Variants in DNAJC1 observed in about 807,000 individuals in gnomAD.
DNAJC1 encodes the protein dnaJ homolog subfamily C member 1.
A neutral mutation model predicts 76.6 loss-of-function variants in DNAJC1; 58 were observed. The ratio of observed to expected loss-of-function variants is 0.76; its 90% CI spans 0.61 to 0.94. The LOEUF (loss-of-function observed/expected upper bound fraction) is 0.94. Among genes scored for constraint, DNAJC1 ranks in the 40% least tolerant of loss-of-function variants. The pLI is 0.00. For synonymous variants in DNAJC1, 258 were observed against 267.9 expected (o/e 0.96, Z 0.36); for missense variants, 689 against 677.3 (o/e 1.02, Z -0.19).
intron 9 of DNAJC1, among the ~76,000 whole-genome samples, chr10:21,782,988 C>T (rs1834552914): frequency 1.3e-5 from 2 of 152,176 alleles, no homozygotes; most frequent in Non-Finnish European, 2.9e-5. Flanking sequence ...TGAAAACTGG[C>T]ACAAGACAGG....
intron 9 of DNAJC1, among the ~76,000 whole-genome samples, chr10:21,767,501 T>C (rs575187237): frequency 6.6e-6 from 1 of 152,324 alleles, no homozygotes; most frequent in East Asian, 1.9e-4. Context: ...TGGCCCAGAA[T>C]GGCCTGTAAC....
chr10:21,872,179 T>C (rs1345611022), intron 8 of DNAJC1, among the ~76,000 whole-genome samples: 2 of 151,314 alleles, frequency 1.3e-5, no homozygotes, highest in Non-Finnish European at 2.9e-5. Context: ...GTTCAAGTGA[T>C]TCTCCTGCCT....
intron 9 of DNAJC1, among the ~76,000 whole-genome samples, chr10:21,774,603 T>C (rs1029262658): frequency 6.6e-6 from 1 of 152,218 alleles, no homozygotes; most frequent in Non-Finnish European, 1.5e-5. Context: ...GCTTCCTGAA[T>C]AGCTGGGACT....
At chr10:21,939,988 T>C (rs1352151498) in intron 1 of DNAJC1, among the ~76,000 whole-genome samples, 17 of 147,538 alleles carry the variant, frequency 1.2e-4, no homozygotes, top group Admixed American at 1.1e-3. Context: ...AAAACAAACG[T>C]GTGTGTATAC....
At chr10:21,944,383 C>T (rs1001881804) in intron 1 of DNAJC1, among the ~76,000 whole-genome samples, 1 of 152,132 alleles carries the variant, frequency 6.6e-6, no homozygotes, top group Non-Finnish European at 1.5e-5. Context: ...TCCATACTGA[C>T]TTTCTCTTCA....
At chr10:21,791,674 A>G (rs1834690328) in intron 9 of DNAJC1, among the ~76,000 whole-genome samples, 1 of 152,240 alleles carries the variant, frequency 6.6e-6, no homozygotes, top group Non-Finnish European at 1.5e-5. Flanking sequence ...AAGAAAATTA[A>G]AAACATTCTT....
At chr10:21,821,279 G>A (rs1307062754) in intron 8 of DNAJC1, among the ~76,000 whole-genome samples, 1 of 152,000 alleles carries the variant, frequency 6.6e-6, no homozygotes, top group African/African-American at 2.4e-5. Flanking sequence ...TTGTAACAAA[G>A]GAATGTAACA....
intron 6 of DNAJC1, among the ~76,000 whole-genome samples, chr10:21,907,979 A>C (rs1836774300): frequency 7.6e-6 from 1 of 131,938 alleles, no homozygotes; most frequent in Non-Finnish European, 1.5e-5. Context: ...CTCTGTCTGA[A>C]ATATATGAAA....
chr10:21,799,490 T>G (rs1387185010), intron 9 of DNAJC1, among the ~76,000 whole-genome samples: 1 of 152,092 alleles, frequency 6.6e-6, no homozygotes. Context: ...CTTGTAAAGA[T>G]GAAGGTTTCC....
chr10:21,938,923 G>A (rs1837359664), intron 1 of DNAJC1, among the ~76,000 whole-genome samples: 1 of 152,080 alleles, frequency 6.6e-6, no homozygotes, highest in Non-Finnish European at 1.5e-5. Context: ...ACGGAGTCTC[G>A]CTCTGTGGCC....
chr10:21,813,094 C>CATATAT (rs1451322364), intron 8 of DNAJC1, among the ~76,000 whole-genome samples: 7 of 66,714 alleles, frequency 1.0e-4, no homozygotes, highest in East Asian at 1.9e-3. Context: ...TATACACACA[C>CATATAT]ACATATATAT....
intron 11 of DNAJC1, among the ~76,000 whole-genome samples, chr10:21,758,102 C>T (rs1273227353): frequency 6.6e-6 from 1 of 152,156 alleles, no homozygotes; most frequent in Non-Finnish European, 1.5e-5. Context: ...TTTTTCTCCC[C>T]AGGAACTCTC....
intron 9 of DNAJC1, among the ~76,000 whole-genome samples, chr10:21,777,828 G>T (rs1452565947): frequency 2.6e-5 from 4 of 152,136 alleles, no homozygotes; most frequent in African/African-American, 7.2e-5. Context: ...ATTGCATAAT[G>T]GTTCACTCAT....
At chr10:21,963,870 CTTTCT>C (rs1420309066) in intron 1 of DNAJC1, among the ~76,000 whole-genome samples, 1 of 151,186 alleles carries the variant, frequency 6.6e-6, no homozygotes, top group African/African-American at 2.4e-5. Context: ...CTTTCCTTTC[CTTTCT>C]TGACTTTATT....
chr10:21,784,754 C>T (rs1056930187), intron 9 of DNAJC1, among the ~76,000 whole-genome samples: 29 of 152,286 alleles, frequency 1.9e-4, no homozygotes, highest in African/African-American at 6.7e-4. Context: ...TTTGTAGGGA[C>T]ATGGATAAAG....
chr10:21,905,409 C>T (rs982705465), intron 6 of DNAJC1, among the ~76,000 whole-genome samples: 13 of 151,994 alleles, frequency 8.6e-5, no homozygotes, highest in African/African-American at 3.1e-4. Context: ...TATAGGAATA[C>T]CACTTGTATT....
At chr10:21,762,769 C>G (rs1337660991) in intron 10 of DNAJC1, among the ~76,000 whole-genome samples, 1 of 152,152 alleles carries the variant, frequency 6.6e-6, no homozygotes, top group Non-Finnish European at 1.5e-5. Context: ...ACCATCACGC[C>G]TGGCTGTATT....
chr10:21,862,823 C>T (rs1835938291), intron 8 of DNAJC1, among the ~76,000 whole-genome samples: 1 of 151,948 alleles, frequency 6.6e-6, no homozygotes, highest in South Asian at 2.1e-4. Flanking sequence ...TAATCTTCCA[C>T]CTTAAGAAAT....
At chr10:21,942,528 C>T (rs1036520676) in intron 1 of DNAJC1, among the ~76,000 whole-genome samples, 3 of 151,776 alleles carry the variant, frequency 2.0e-5, no homozygotes, top group Non-Finnish European at 2.9e-5. Context: ...TATAAGCGGC[C>T]GGGCGCGGTG....
Sources: gnomAD v4.1 joint callset for allele counts (sites outside exome capture counted in the v4.1 genomes callset) on GRCh38, gnomAD v4.1.1 for gene constraint, MANE v1.5 for transcripts, NCBI Gene and HGNC (gene_info 2026-07-23, HGNC 2026-07-21) for gene names.